The following BTRC variants were observed in gnomAD, a reference collection of about 807,000 sequenced individuals.
BTRC encodes the protein F-box/WD repeat-containing protein 1A.
BTRC carries 42 observed loss-of-function variants against 85.5 expected under a neutral mutation model. The observed-to-expected ratio is 0.49, with a 90% CI of 0.38 to 0.64. BTRC has a LOEUF of 0.64. BTRC is among the 30% of genes least tolerant of loss of function. The pLI is 0.00. For missense variants in BTRC, 594 were observed against 743.5 expected (o/e 0.80, Z 2.34); for synonymous variants, 255 against 263.3 (o/e 0.97, Z 0.30).
chr10:101,506,252 T>C (rs1946538866), intron 4 of BTRC, among the ~76,000 whole-genome samples: 1 of 152,178 alleles, frequency 6.6e-6, no homozygotes, highest in South Asian at 2.1e-4. Context: ...CCTTTCAAAA[T>C]GGGTGGCCCT....
chr10:101,361,074 G>C (rs1260096284), intron 1 of BTRC, among the ~76,000 whole-genome samples: 1 of 152,194 alleles, frequency 6.6e-6, no homozygotes, highest in Non-Finnish European at 1.5e-5. Context: ...CCAAATTGCT[G>C]GGATTACAGG....
At chr10:101,399,313 A>G (rs1943439230) in intron 1 of BTRC, among the ~76,000 whole-genome samples, 1 of 119,010 alleles carries the variant, frequency 8.4e-6, no homozygotes, top group South Asian at 3.0e-4. Flanking sequence ...AACTATAACT[A>G]GAATCACCTT....
intron 4 of BTRC, among the ~76,000 whole-genome samples, chr10:101,490,410 C>A (rs749830869): frequency 1.3e-5 from 2 of 152,180 alleles, no homozygotes; most frequent in Non-Finnish European, 2.9e-5. Context: ...TCATGTGAAC[C>A]TGGTGAGATG....
intron 1 of BTRC, among the ~76,000 whole-genome samples, chr10:101,416,900 A>G (rs926379753): frequency 3.3e-5 from 5 of 152,198 alleles, no homozygotes; most frequent in East Asian, 1.9e-4. Flanking sequence ...AATAATTACT[A>G]CATTATGACC....
At chr10:101,455,051 TC>T in intron 2 of BTRC, among the ~76,000 whole-genome samples, 1 of 150,168 alleles carries the variant, frequency 6.7e-6, no homozygotes, top group East Asian at 1.9e-4. Context: ...TAATATTCAA[TC>T]CAAGAAACTT....
chr10:101,439,082 G>A (rs1944612739), intron 2 of BTRC, among the ~76,000 whole-genome samples: 1 of 152,208 alleles, frequency 6.6e-6, no homozygotes, highest in African/African-American at 2.4e-5. Flanking sequence ...CAAGACAGCA[G>A]AGGTGAGATA....
chr10:101,359,761 C>G (rs1039559997), intron 1 of BTRC, among the ~76,000 whole-genome samples: 4 of 152,096 alleles, frequency 2.6e-5, no homozygotes, highest in African/African-American at 7.2e-5. Flanking sequence ...CCACCACACC[C>G]AGCTAATTTT....
intron 4 of BTRC, among the ~76,000 whole-genome samples, chr10:101,487,273 T>C (rs944336428): frequency 2.0e-5 from 3 of 152,234 alleles, no homozygotes; most frequent in Non-Finnish European, 2.9e-5. Context: ...ACCTACTTTC[T>C]TATGCCAACC....
At chr10:101,443,835 T>C (rs1944755436) in intron 2 of BTRC, among the ~76,000 whole-genome samples, 1 of 152,206 alleles carries the variant, frequency 6.6e-6, no homozygotes, top group Admixed American at 6.5e-5. Flanking sequence ...ACAAATAACA[T>C]GGCCATTCAC....
chr10:101,450,107 A>G (rs773940070), intron 2 of BTRC, among the ~76,000 whole-genome samples: 10 of 151,562 alleles, frequency 6.6e-5, no homozygotes, highest in South Asian at 2.1e-4. Flanking sequence ...TAAATGGACT[A>G]TTACTTCTGA....
At chr10:101,430,837 A>AT (rs1378794523) in intron 2 of BTRC, among the ~76,000 whole-genome samples, 4 of 152,086 alleles carry the variant, frequency 2.6e-5, no homozygotes, top group Non-Finnish European at 5.9e-5. Context: ...TTTCCTGAAC[A>AT]TTTTCTTATT....
Position 101,356,784 on chromosome 10 carries a change from T to G in BTRC, c.48+2556T>G, listed in dbSNP as rs367747643. Among the ~76,000 whole-genome samples the G allele has an allele frequency of 3.3e-5, 5 of 152,282 alleles. No individual in the cohort carries two copies. The East Asian group carries it at 9.7e-4, about 29-fold the overall frequency. On this transcript the variant is annotated intron_variant, in intron 1 of 14. Transcript: ENST00000370187. ...GAATCTGAGTAAGTCACAACTTCCC[T>G]TTGGTGCCATTTACCCTGCTATAAC... is the stretch of plus-strand genomic sequence containing the variant.
At chr10:101,511,545 TTTTTGTTTTGTTTTG>T (rs555048085) in intron 4 of BTRC, among the ~76,000 whole-genome samples, 1 of 147,500 alleles carries the variant, frequency 6.8e-6, no homozygotes, top group Non-Finnish European at 1.5e-5. Context: ...TATTTTGGGT[TTTTTGTTTTGTTTTG>T]TTTTGTTTTG....
chr10:101,392,729 G>A (rs748294153), intron 1 of BTRC, among the ~76,000 whole-genome samples: 3 of 152,042 alleles, frequency 2.0e-5, no homozygotes, highest in Non-Finnish European at 4.4e-5. Flanking sequence ...TCACCATGTT[G>A]GCCAGACTGG....
At chr10:101,535,271 T>C (rs976553662) in intron 10 of BTRC, 83 bp from the exon 11 acceptor site, 10 of 1,030,962 alleles carry the variant, frequency 9.7e-6, no homozygotes, top group Admixed American at 2.0e-5. Flanking sequence ...AGTCCTGTTT[T>C]CTGCTTCTCT....
chr10:101,451,685 C>T (rs1339374165), intron 2 of BTRC, among the ~76,000 whole-genome samples: 1 of 152,166 alleles, frequency 6.6e-6, no homozygotes, highest in Admixed American at 6.5e-5. Context: ...TTCCCTCAAG[C>T]TCATCATCTC....
At chr10:101,398,319 G>GT (rs1564747504) in intron 1 of BTRC, among the ~76,000 whole-genome samples, 1 of 150,764 alleles carries the variant, frequency 6.6e-6, no homozygotes, top group Non-Finnish European at 1.5e-5. Context: ...TTCTTTTTTT[G>GT]TTTTTTTGAG....
intron 6 of BTRC, among the ~76,000 whole-genome samples, chr10:101,527,468 G>A (rs1008029758): frequency 2.0e-5 from 3 of 152,132 alleles, no homozygotes; most frequent in Non-Finnish European, 4.4e-5. Context: ...AAAGAATATT[G>A]TTGGCCGGGT....
intron 1 of BTRC, among the ~76,000 whole-genome samples, chr10:101,427,159 C>G (rs1211985716): frequency 7.1e-6 from 1 of 140,706 alleles, no homozygotes; most frequent in Non-Finnish European, 1.5e-5. Context: ...TGTTCTGTCG[C>G]CAGGCTGGAG....
Sources: gnomAD v4.1 joint callset for allele counts (sites outside exome capture counted in the v4.1 genomes callset) on GRCh38, gnomAD v4.1.1 for gene constraint, MANE v1.5 for transcripts, NCBI Gene and HGNC (gene_info 2026-07-23, HGNC 2026-07-21) for gene names.